Variants in CDH26 observed in about 807,000 individuals in gnomAD.
CDH26 encodes the protein cadherin 26.
A neutral mutation model predicts 90.3 loss-of-function variants in CDH26; 83 were observed. The ratio of observed to expected loss-of-function variants is 0.92; its 90% CI spans 0.77 to 1.10. The LOEUF (loss-of-function observed/expected upper bound fraction) is 1.10, where lower values mean the gene tolerates loss of function less well. CDH26 is among the 50% of genes least tolerant of loss of function. The pLI, the probability that CDH26 is intolerant of heterozygous loss-of-function variation, is 0.00. For synonymous variants in CDH26, 397 were observed against 396.3 expected, an observed-to-expected ratio of 1.00 and a Z score of -0.02; for missense variants, 1,013 against 1,037.6, an observed-to-expected ratio of 0.98 and a Z score of 0.33.
At chr20:59,970,290 C>G in intron 3 of CDH26, 104 bp downstream of exon 3, 1 of 1,469,312 alleles carries the variant, frequency 6.8e-7, no homozygotes. Context: ...CTAGTGAGGC[C>G]AGGGAGTGAA....
chr20:59,988,829 T>C, intron 8 of CDH26, 75 bp from the exon 9 acceptor site: 2 of 1,540,292 alleles, frequency 1.3e-6, no homozygotes, highest in Non-Finnish European at 1.8e-6. Flanking sequence ...GAGTTTGCAA[T>C]GATGACTCGG....
At chr20:59,990,068 C>T (rs1410951526) in intron 9 of CDH26, among the ~76,000 whole-genome samples, 1 of 152,176 alleles carries the variant, frequency 6.6e-6, no homozygotes. Flanking sequence ...CTTTTTGTCT[C>T]TCTGAGTTTG....
At chr20:60,028,855 C>T (rs1758005473) in intron 7 of CDH26, among the ~76,000 whole-genome samples, 1 of 152,174 alleles carries the variant, frequency 6.6e-6, no homozygotes, top group Non-Finnish European at 1.5e-5. Context: ...AATAGAAATC[C>T]GGATCTCAAA....
chr20:60,000,668 T>C (rs1015909373), intron 14 of CDH26, among the ~76,000 whole-genome samples: 3 of 152,196 alleles, frequency 2.0e-5, no homozygotes, highest in Non-Finnish European at 4.4e-5. Flanking sequence ...CTTGCTTCCC[T>C]ATTTTACAGG....
At chr20:59,972,978 T>C (rs896823461) in intron 4 of CDH26, among the ~76,000 whole-genome samples, 4 of 152,222 alleles carry the variant, frequency 2.6e-5, no homozygotes, top group African/African-American at 7.2e-5. Flanking sequence ...CCAATGAACA[T>C]GCAAAGATGA....
chr20:60,000,504 G>C (rs947230528), intron 14 of CDH26, among the ~76,000 whole-genome samples: 4 of 152,224 alleles, frequency 2.6e-5, no homozygotes, highest in Non-Finnish European at 5.9e-5. Flanking sequence ...TGCCTCCTGG[G>C]CTGGCGAGAG....
intron 15 of CDH26, among the ~76,000 whole-genome samples, chr20:60,002,002 T>C (rs1388278694): frequency 6.6e-6 from 1 of 152,236 alleles, no homozygotes; most frequent in African/African-American, 2.4e-5. Flanking sequence ...GGCACAACAC[T>C]GTGAGTACAG....
chr20:59,984,534 C>A (rs1201113045), intron 5 of CDH26, 105 bp from the exon 6 acceptor site: 1 of 774,562 alleles, frequency 1.3e-6, no homozygotes, highest in Non-Finnish European at 2.1e-6. Context: ...ACATTCCACT[C>A]ATTTTGGTAT....
chr20:59,989,553 A>AT (rs2061503501), intron 9 of CDH26, among the ~76,000 whole-genome samples: 1 of 148,556 alleles, frequency 6.7e-6, no homozygotes, highest in Non-Finnish European at 1.5e-5. Context: ...AAAAAAAAAA[A>AT]GAAAAGAAAA....
intron 7 of CDH26, among the ~76,000 whole-genome samples, chr20:60,024,280 C>T (rs373414639): frequency 9.9e-5 from 15 of 152,274 alleles, no homozygotes; most frequent in East Asian, 7.7e-4. Context: ...ACACTGGGTA[C>T]GGCAGGGGAG....
chr20:59,971,842 T>G, intron 3 of CDH26, 120 bp from the exon 4 acceptor site: 1 of 697,284 alleles, frequency 1.4e-6, no homozygotes, highest in Non-Finnish European at 2.4e-6. Context: ...CTTTGGCAGA[T>G]GTGCCATTGC....
In CDH26 at chr20:59,982,913, T is replaced by C; in HGVS notation, c.394-10T>C. On this transcript the variant is annotated splice_polypyrimidine_tract_variant and intron_variant, in intron 4 of 17. Coordinates refer to ENST00000348616, the MANE Select transcript of CDH26 (RefSeq NM_177980.4). Reference sequence around the variant, plus strand: ...GTTCTGCAGGATTTTTACAGCTCTCTGCTTCCTAGGTTTATTTTGATGTTG... The same window carrying C: ...GTTCTGCAGGATTTTTACAGCTCTCCGCTTCCTAGGTTTATTTTGATGTTG... 6.2e-7 allele frequency: 1 copy of C among 1,612,076 alleles called. No individual in the cohort carries two copies. The highest frequency in any genetic ancestry group is 1.3e-5 in the African/African-American group (1 of 74,898).
chr20:59,976,940 C>T (rs2061334647), intron 4 of CDH26, among the ~76,000 whole-genome samples: 1 of 152,074 alleles, frequency 6.6e-6, no homozygotes, highest in Non-Finnish European at 1.5e-5. Context: ...TAGAGGCCCC[C>T]TGGGAGGGCC....
At chr20:59,987,024 T>C (rs1440916271) in intron 7 of CDH26, among the ~76,000 whole-genome samples, 1 of 152,092 alleles carries the variant, frequency 6.6e-6, no homozygotes, top group Non-Finnish European at 1.5e-5. Context: ...ACAAGCTATT[T>C]TGAAGATCTA....
intron 16 of CDH26, among the ~76,000 whole-genome samples, chr20:60,006,176 C>T (rs1019074090): frequency 2.0e-5 from 3 of 152,234 alleles, no homozygotes; most frequent in African/African-American, 4.8e-5. Context: ...GCCTGACTCA[C>T]ATGATTTAGT....
chr20:59,969,869 A>G (rs941103267), intron 2 of CDH26, among the ~76,000 whole-genome samples: 1 of 152,176 alleles, frequency 6.6e-6, no homozygotes, highest in Non-Finnish European at 1.5e-5. Flanking sequence ...ACGTCAAATC[A>G]TCGGACAGCA....
Position 59,992,260 on chromosome 20 carries a change from A to G in CDH26, c.1284-118A>G. 1.0e-6 allele frequency: 1 copy of G among 982,820 alleles called. No homozygotes were observed. The highest frequency in any genetic ancestry group is 1.5e-6 in the Non-Finnish European group (1 of 668,816). The allele number at this position is 982,820 out of a possible 1,614,324, so 60.9% of individuals were successfully genotyped here. ...AGTTTAATTGCTCTTAGAATTTCTC[A>G]AATTACTTGTGGTAGAAATAGTGTT... On this transcript the variant is annotated intron_variant, in intron 9 of 17. Transcript: ENST00000348616. This position sits in a 1 kb window ranked among gnomAD's most constrained non-coding sequence, Gnocchi z 5.0.
At chr20:59,986,443 T>A (rs533960454) in intron 7 of CDH26, among the ~76,000 whole-genome samples, 2 of 152,202 alleles carry the variant, frequency 1.3e-5, no homozygotes, top group Non-Finnish European at 2.9e-5. Context: ...CTATTCTATA[T>A]GTATTTTTAA....
intron 4 of CDH26, among the ~76,000 whole-genome samples, chr20:59,981,575 T>C (rs1392046350): frequency 5.3e-5 from 8 of 152,182 alleles, no homozygotes. Context: ...AAATTGATTT[T>C]CGAAAGTTGA....
Sources: gnomAD v4.1 joint callset for allele counts (sites outside exome capture counted in the v4.1 genomes callset) on GRCh38, gnomAD v4.1.1 for gene constraint, Gnocchi (gnomAD v3.1) non-coding constraint, MANE v1.5 for transcripts, NCBI Gene and HGNC (gene_info 2026-07-23, HGNC 2026-07-21) for gene names.